The following APBA2 variants were observed in gnomAD, a reference collection of about 807,000 sequenced individuals.
APBA2 encodes the protein amyloid-beta A4 precursor protein-binding family A member 2.
In APBA2, 30 loss-of-function variants were observed where a neutral mutation model predicts 75.0. That is an observed-to-expected ratio of 0.40 (90% CI 0.30 to 0.54). The LOEUF is 0.54. APBA2 is among the 20% of genes least tolerant of loss of function. The pLI is 0.49. For synonymous variants in APBA2, 444 were observed against 409.6 expected, an observed-to-expected ratio of 1.08 and a Z score of -1.01; for missense variants, 801 against 1,016.1, an observed-to-expected ratio of 0.79 and a Z score of 2.88.
chr15:28,953,695 A>G (rs2036012232), intron 2 of APBA2, among the ~76,000 whole-genome samples: 1 of 152,048 alleles, frequency 6.6e-6, no homozygotes. Context: ...CGTCCCCTCT[A>G]GGAAACACCT....
At chr15:29,096,322 C>T (rs903934399) in intron 8 of APBA2, among the ~76,000 whole-genome samples, 2 of 152,160 alleles carry the variant, frequency 1.3e-5, no homozygotes, top group African/African-American at 4.8e-5. Context: ...ATGGGTTTTC[C>T]ACTGGAGGCT....
intron 11 of APBA2, among the ~76,000 whole-genome samples, chr15:29,105,769 C>T (rs2044371806): frequency 6.6e-6 from 1 of 152,192 alleles, no homozygotes; most frequent in East Asian, 1.9e-4. Flanking sequence ...TGATTACAGT[C>T]AGCTTTAATG....
At chr15:29,060,940 G>A (rs561832269) in intron 4 of APBA2, among the ~76,000 whole-genome samples, 45 of 152,234 alleles carry the variant, frequency 3.0e-4, no homozygotes, top group African/African-American at 1.1e-3. Flanking sequence ...CCCCAGCTGG[G>A]CACTGGTACC....
intron 4 of APBA2, among the ~76,000 whole-genome samples, chr15:29,067,780 C>T (rs1257448142): frequency 6.6e-6 from 1 of 152,208 alleles, no homozygotes; most frequent in Non-Finnish European, 1.5e-5. Context: ...TTGGTACCTT[C>T]TTTATAGATC....
chr15:28,890,195 T>A (rs2032038265), intron 1 of APBA2, among the ~76,000 whole-genome samples: 1 of 152,194 alleles, frequency 6.6e-6, no homozygotes, highest in Non-Finnish European at 1.5e-5. Flanking sequence ...AGGAAAGAGC[T>A]GTAGAATTGT....
At chr15:29,096,985 G>A (rs1179262397) in intron 8 of APBA2, among the ~76,000 whole-genome samples, 3 of 152,228 alleles carry the variant, frequency 2.0e-5, no homozygotes, top group Non-Finnish European at 4.4e-5. Flanking sequence ...CATGAAACTC[G>A]TCTCACAACC....
chr15:28,906,524 G>A (rs1279278040), intron 1 of APBA2, among the ~76,000 whole-genome samples: 1 of 152,178 alleles, frequency 6.6e-6, no homozygotes, highest in Non-Finnish European at 1.5e-5. Flanking sequence ...GACTTGCTGG[G>A]CTGAATGGTT....
At chr15:28,969,979 A>G (rs2036980185) in intron 2 of APBA2, among the ~76,000 whole-genome samples, 1 of 152,228 alleles carries the variant, frequency 6.6e-6, no homozygotes, top group Non-Finnish European at 1.5e-5. Context: ...TGAGACACAC[A>G]TTCCAGCCTT....
At chr15:29,069,438 T>C (rs1420463601) in intron 4 of APBA2, among the ~76,000 whole-genome samples, 1 of 152,202 alleles carries the variant, frequency 6.6e-6, no homozygotes, top group East Asian at 1.9e-4. Context: ...ACCACAGATG[T>C]TTTCCACAGT....
At position 29,054,046 on chromosome 15, in the gene APBA2, G is replaced by T; in HGVS notation, c.162G>T (p.Glu54Asp). ...TGGAGCTGGCTGCCCTGCGGCCAGA[G>T]AGCCCCGCGCCAGAGGAACAGGAGT... is the stretch of plus-strand genomic sequence containing the variant. ...EGLELAALRP[E>D]SPAPEEQECH... The change falls in exon 4 of 15, where the codon GAG (glutamate) becomes GAT (aspartate). Residue 54 changes from glutamate (E) to aspartate (D), a missense_variant. Coordinates refer to ENST00000683413, the MANE Select transcript of APBA2 (RefSeq NM_001353788.2). The surrounding 1 kb of genome is among the most constrained non-coding windows in gnomAD (Gnocchi z 6.1). The T allele has an allele frequency of 6.2e-7, 1 of 1,613,860 alleles. No individual in the cohort carries two copies. Among genetic ancestry groups the T allele is most frequent in the Non-Finnish European group, 8.5e-7 (1 of 1,180,034 alleles).
At chr15:28,951,842 A>G (rs1430024021) in intron 2 of APBA2, among the ~76,000 whole-genome samples, 4 of 149,254 alleles carry the variant, frequency 2.7e-5, no homozygotes, top group African/African-American at 9.9e-5. Flanking sequence ...TGGCCTCCCA[A>G]AGTGCTGGGA....
At chr15:28,981,658 T>C (rs1331635331) in intron 2 of APBA2, among the ~76,000 whole-genome samples, 2 of 152,210 alleles carry the variant, frequency 1.3e-5, no homozygotes, top group Admixed American at 1.3e-4. Context: ...TTCCTCAGTA[T>C]ATTTCCAAAA....
In APBA2 at chr15:28,920,685, C is replaced by A. The variant is rs373387046; in HGVS notation, c.-204-955C>A. On this transcript the variant is annotated intron_variant, in intron 1 of 14. Transcript: ENST00000683413. Reference sequence around the variant, plus strand: ...GAAGTATCAAGTTGGAAGGCAGCAGCCGTGGATGTTAAAGCTGGAGGAACC... The same window carrying A: ...GAAGTATCAAGTTGGAAGGCAGCAGACGTGGATGTTAAAGCTGGAGGAACC... Among the ~76,000 whole-genome samples, 6 of 152,148 alleles carry A rather than the reference C, an allele frequency of 3.9e-5. No individual in the cohort carries two copies. The South Asian group carries it at 6.2e-4, about 16-fold the overall frequency.
intron 2 of APBA2, among the ~76,000 whole-genome samples, chr15:28,968,038 C>T (rs1421197318): frequency 6.6e-6 from 1 of 152,258 alleles, no homozygotes; most frequent in African/African-American, 2.4e-5. Context: ...TAAGTGGAAT[C>T]CTACAATATT....
intron 1 of APBA2, among the ~76,000 whole-genome samples, chr15:28,904,305 C>G (rs190505977): frequency 6.6e-6 from 1 of 152,302 alleles, no homozygotes; most frequent in African/African-American, 2.4e-5. Context: ...TTTCCACACT[C>G]ATGGACGGTT....
At chr15:29,067,265 A>G (rs1483493979) in intron 4 of APBA2, among the ~76,000 whole-genome samples, 2 of 152,222 alleles carry the variant, frequency 1.3e-5, no homozygotes, top group African/African-American at 4.8e-5. Flanking sequence ...TATCCAAACT[A>G]TATCACCCAC....
In APBA2 at chr15:29,054,358, G is replaced by A; in HGVS notation, c.474G>A (p.Gln158=). ...HPHGHEAEGS[Q]DYPDGQLPIP... ...ACGGCCACGAGGCTGAAGGCAGCCA[G>A]GACTACCCAGACGGCCAACTGCCCA... Residue 158 remains glutamine (Q), a synonymous_variant, in exon 4 of 15, where the codon CAG becomes CAA. Transcript: ENST00000683413. This position sits in a 1 kb window ranked among gnomAD's most constrained non-coding sequence, Gnocchi z 6.1. 2 of 1,614,130 alleles carry A rather than the reference G, an allele frequency of 1.2e-6. No individual in the cohort carries two copies. The highest frequency in any genetic ancestry group is 1.7e-6 in the Non-Finnish European group (2 of 1,180,044).
chr15:28,891,199 A>G (rs1373793186), intron 1 of APBA2, among the ~76,000 whole-genome samples: 1 of 152,198 alleles, frequency 6.6e-6, no homozygotes, highest in East Asian at 1.9e-4. Flanking sequence ...GTCATTTTAA[A>G]TAATTTCCCG....
chr15:28,968,876 T>C (rs144080152), intron 2 of APBA2, among the ~76,000 whole-genome samples: 36 of 152,312 alleles, frequency 2.4e-4, no homozygotes, highest in African/African-American at 6.5e-4. Context: ...TAAACACGGC[T>C]GTCTCTTGCC....
Sources: allele counts gnomAD v4.1 joint callset (sites outside exome capture counted in the v4.1 genomes callset), GRCh38; gene constraint gnomAD v4.1.1; non-coding constraint Gnocchi (gnomAD v3.1); transcripts MANE v1.5; gene names NCBI Gene and HGNC (gene_info 2026-07-23, HGNC 2026-07-21).